SLC2A13: variants seen among roughly 807,000 people sequenced by gnomAD.
SLC2A13 encodes the protein proton myo-inositol cotransporter.
SLC2A13 carries 32 observed loss-of-function variants against 64.4 expected under a neutral mutation model. The ratio of observed to expected loss-of-function variants is 0.50; its 90% CI spans 0.37 to 0.67. The LOEUF (loss-of-function observed/expected upper bound fraction) is 0.67. SLC2A13 is among the 30% of genes least tolerant of loss of function. The probability of loss-of-function intolerance (pLI) is 0.00; values close to 1 mark genes in which losing one functional copy is unlikely to be tolerated. For synonymous variants in SLC2A13, 338 were observed against 327.1 expected (o/e 1.03, Z -0.36); for missense variants, 743 against 829.2 (o/e 0.90, Z 1.28).
intron 3 of SLC2A13, among the ~76,000 whole-genome samples, chr12:39,978,646 A>C (rs1483961786): frequency 1.3e-5 from 2 of 152,122 alleles, no homozygotes; most frequent in African/African-American, 4.8e-5. Flanking sequence ...ACGCGACAAT[A>C]TCCCACACCT....
intron 4 of SLC2A13, among the ~76,000 whole-genome samples, chr12:39,900,234 A>T (rs1945051472): frequency 6.6e-6 from 1 of 152,160 alleles, no homozygotes; most frequent in Non-Finnish European, 1.5e-5. Flanking sequence ...AGCCAATATC[A>T]TACTGAATGG....
intron 7 of SLC2A13, among the ~76,000 whole-genome samples, chr12:39,779,167 G>T (rs577056753): frequency 2.0e-5 from 3 of 152,152 alleles, no homozygotes; most frequent in Non-Finnish European, 4.4e-5. Flanking sequence ...CTGAAGACTG[G>T]TTTTTCTTAC....
At chr12:40,063,472 A>C (rs1948458931) in intron 1 of SLC2A13, among the ~76,000 whole-genome samples, 2 of 150,562 alleles carry the variant, frequency 1.3e-5, no homozygotes, top group African/African-American at 4.8e-5. Flanking sequence ...TAAAAAAAAA[A>C]AACTGAAGAA....
At chr12:39,896,279 CATGTATGTAT>C (rs1944856895) in intron 4 of SLC2A13, among the ~76,000 whole-genome samples, 2 of 79,964 alleles carry the variant, frequency 2.5e-5, no homozygotes, top group Admixed American at 1.3e-4. Flanking sequence ...TATATGTATA[CATGTATGTAT>C]ATGTGTGTAT....
At chr12:39,770,354 C>T (rs1231342733) in intron 7 of SLC2A13, among the ~76,000 whole-genome samples, 31 of 152,088 alleles carry the variant, frequency 2.0e-4, no homozygotes. Flanking sequence ...AATATGACTA[C>T]AACGAAATGA....
intron 6 of SLC2A13, among the ~76,000 whole-genome samples, chr12:39,853,298 C>G (rs538438442): frequency 6.6e-6 from 1 of 152,076 alleles, no homozygotes; most frequent in Non-Finnish European, 1.5e-5. Flanking sequence ...AAGGCTGAAC[C>G]ACTGTGGGTG....
At chr12:39,761,653 G>C (rs1009031160) in intron 9 of SLC2A13, among the ~76,000 whole-genome samples, 9 of 151,836 alleles carry the variant, frequency 5.9e-5, no homozygotes, top group African/African-American at 2.2e-4. Flanking sequence ...GAAAGGAGAT[G>C]AAGTCCTGTG....
chr12:40,022,178 GC>G (rs2136208465), intron 3 of SLC2A13, among the ~76,000 whole-genome samples: 1 of 152,282 alleles, frequency 6.6e-6, no homozygotes, highest in South Asian at 2.1e-4. Flanking sequence ...CAATACTCTT[GC>G]TTTCCAGGCT....
chr12:39,957,538 T>C (rs918065334), intron 3 of SLC2A13, among the ~76,000 whole-genome samples: 6 of 152,158 alleles, frequency 3.9e-5, no homozygotes, highest in Non-Finnish European at 8.8e-5. Flanking sequence ...CAGATTTATC[T>C]ACTTCAAGCC....
chr12:40,038,835 T>C (rs576548339), intron 2 of SLC2A13, among the ~76,000 whole-genome samples: 7 of 152,058 alleles, frequency 4.6e-5, no homozygotes, highest in Admixed American at 1.3e-4. Context: ...GTGCAATTGT[T>C]GGATGTAGCA....
At chr12:39,935,771 A>T (rs1945907322) in intron 4 of SLC2A13, among the ~76,000 whole-genome samples, 1 of 152,174 alleles carries the variant, frequency 6.6e-6, no homozygotes, top group South Asian at 2.1e-4. Flanking sequence ...AGCTAGGGAG[A>T]ATGGCACACA....
At chr12:40,071,297 TATG>T (rs1937946207) in intron 1 of SLC2A13, among the ~76,000 whole-genome samples, 1 of 152,186 alleles carries the variant, frequency 6.6e-6, no homozygotes, top group African/African-American at 2.4e-5. Context: ...ATTCTATTGA[TATG>T]ATGTGATTAT....
At chr12:39,964,572 A>G (rs1271663100) in intron 3 of SLC2A13, among the ~76,000 whole-genome samples, 6 of 152,234 alleles carry the variant, frequency 3.9e-5, no homozygotes, top group Non-Finnish European at 7.3e-5. Context: ...CTATGCTAGG[A>G]CACTTGAGAT....
intron 1 of SLC2A13, among the ~76,000 whole-genome samples, chr12:40,075,779 A>AT (rs563964458): frequency 1.8e-4 from 28 of 151,790 alleles, no homozygotes; most frequent in South Asian, 6.2e-4. Context: ...GAGTTGGTTC[A>AT]TTTTTTTTCC....
At chr12:39,994,844 A>T (rs978393513) in intron 3 of SLC2A13, among the ~76,000 whole-genome samples, 2 of 152,250 alleles carry the variant, frequency 1.3e-5, no homozygotes, top group African/African-American at 4.8e-5. Flanking sequence ...ATGTGCAAGC[A>T]ACAACAAATA....
intron 2 of SLC2A13, among the ~76,000 whole-genome samples, chr12:40,034,143 T>G (rs755640789): frequency 8.9e-4 from 136 of 152,208 alleles, no homozygotes; most frequent in Non-Finnish European, 1.4e-3. Context: ...CTACATTGTA[T>G]TTTTTAAAAA....
chr12:39,857,718 C>T (rs1178354864), intron 6 of SLC2A13, among the ~76,000 whole-genome samples: 1 of 152,146 alleles, frequency 6.6e-6, no homozygotes, highest in Admixed American at 6.5e-5. Context: ...TGTATAAGGT[C>T]CTGAGATGTT....
intron 4 of SLC2A13, among the ~76,000 whole-genome samples, chr12:39,918,776 T>G (rs1592282563): frequency 6.6e-6 from 1 of 151,348 alleles, no homozygotes; most frequent in Non-Finnish European, 1.5e-5. Flanking sequence ...CGCCTATAGT[T>G]CCAGCTACTT....
intron 1 of SLC2A13, among the ~76,000 whole-genome samples, chr12:40,088,769 C>T (rs1273437717): frequency 6.6e-6 from 1 of 152,118 alleles, no homozygotes; most frequent in African/African-American, 2.4e-5. Flanking sequence ...CAGGAAGGGG[C>T]TGAGACCCTA....
Sources: allele counts gnomAD v4.1 joint callset (sites outside exome capture counted in the v4.1 genomes callset), GRCh38; gene constraint gnomAD v4.1.1; transcripts MANE v1.5; gene names NCBI Gene and HGNC (gene_info 2026-07-23, HGNC 2026-07-21).